The following DLGAP1 variants were observed in gnomAD, a reference collection of about 807,000 sequenced individuals.
DLGAP1 encodes the protein disks large-associated protein 1.
Under a neutral mutation model 90.8 loss-of-function variants are expected in DLGAP1, and 11 were observed. The ratio of observed to expected loss-of-function variants is 0.12; its 90% CI spans 0.08 to 0.20. The LOEUF (loss-of-function observed/expected upper bound fraction) is 0.20. DLGAP1 is among the 10% of genes least tolerant of loss of function. The probability of loss-of-function intolerance (pLI) is 1.00; values close to 1 mark genes in which losing one functional copy is unlikely to be tolerated. For synonymous variants in DLGAP1, 558 were observed against 540.7 expected, an observed-to-expected ratio of 1.03 and a Z score of -0.44; for missense variants, 1,050 against 1,333.8, an observed-to-expected ratio of 0.79 and a Z score of 3.31.
chr18:3,870,297 C>T (rs1465748442), intron 4 of DLGAP1, among the ~76,000 whole-genome samples: 2 of 152,164 alleles, frequency 1.3e-5, no homozygotes, highest in Non-Finnish European at 2.9e-5. Flanking sequence ...AGTGGCCATA[C>T]ATATATATGA....
rs200081954 is a variant in DLGAP1, at chr18:3,672,922, G to A, written c.1591+56213C>T. The stretch of plus-strand genomic sequence containing the variant: ...ATCCCCAGTGCCATGCCTGGGGCAA[G>A]TCCTTATCTCCTCTTGCCTGTTGTA... On this transcript the variant is annotated intron_variant, in intron 7 of 12. Coordinates refer to ENST00000315677, the MANE Select transcript of DLGAP1 (RefSeq NM_004746.4). Among the ~76,000 whole-genome samples the A allele has an allele frequency of 2.0e-5, 3 of 152,166 alleles. No homozygotes were observed. In the East Asian group the frequency reaches 5.8e-4, roughly 29 times the overall value.
At chr18:4,229,901 T>C in intron 1 of DLGAP1, among the ~76,000 whole-genome samples, 1 of 152,000 alleles carries the variant, frequency 6.6e-6, no homozygotes, top group Non-Finnish European at 1.5e-5. Flanking sequence ...GAGAAGAGAT[T>C]AATGACCAGA....
intron 3 of DLGAP1, among the ~76,000 whole-genome samples, chr18:3,961,923 A>G (rs1167741891): frequency 6.6e-6 from 1 of 152,164 alleles, no homozygotes; most frequent in Non-Finnish European, 1.5e-5. Flanking sequence ...TTCAGGGAGG[A>G]CTGGATGCAG....
intron 1 of DLGAP1, among the ~76,000 whole-genome samples, chr18:4,270,028 T>G (rs1338796191): frequency 6.6e-6 from 1 of 152,240 alleles, no homozygotes; most frequent in Non-Finnish European, 1.5e-5. Flanking sequence ...CTTCACATGT[T>G]ACAGTAGCAT....
At chr18:3,782,642 G>A (rs956822833) in intron 5 of DLGAP1, among the ~76,000 whole-genome samples, 5 of 152,212 alleles carry the variant, frequency 3.3e-5, no homozygotes, top group African/African-American at 9.7e-5. Flanking sequence ...TGTTTTCACT[G>A]TACTGATGAG....
At chr18:3,683,262 A>AT (rs1222794796) in intron 7 of DLGAP1, among the ~76,000 whole-genome samples, 3 of 152,240 alleles carry the variant, frequency 2.0e-5, no homozygotes, top group Admixed American at 6.5e-5. Context: ...AAATCAGGTG[A>AT]GAAAAGGTCA....
At chr18:3,514,899 A>AT (rs532686201) in intron 10 of DLGAP1, among the ~76,000 whole-genome samples, 3 of 150,942 alleles carry the variant, frequency 2.0e-5, no homozygotes, top group African/African-American at 7.3e-5. Context: ...TTTAAAATAA[A>AT]TTTTTTTTTC....
At chr18:3,664,108 G>C (rs1166826286) in intron 7 of DLGAP1, among the ~76,000 whole-genome samples, 2 of 151,236 alleles carry the variant, frequency 1.3e-5, no homozygotes, top group Non-Finnish European at 2.9e-5. Flanking sequence ...TATACCATTG[G>C]CTCTCCTGGG....
chr18:4,387,854 C>T (rs929935528), intron 1 of DLGAP1, among the ~76,000 whole-genome samples: 3 of 151,116 alleles, frequency 2.0e-5, no homozygotes, highest in Non-Finnish European at 4.4e-5. Flanking sequence ...TCACTTGAAC[C>T]CGGGAGGTGG....
chr18:3,771,868 G>T (rs2064569881), intron 5 of DLGAP1, among the ~76,000 whole-genome samples: 1 of 151,224 alleles, frequency 6.6e-6, no homozygotes. Flanking sequence ...TGTGGCCACT[G>T]CCAGCTTCTA....
At chr18:4,352,873 G>A (rs761466980) in intron 1 of DLGAP1, among the ~76,000 whole-genome samples, 6 of 152,132 alleles carry the variant, frequency 3.9e-5, no homozygotes, top group Non-Finnish European at 5.9e-5. Context: ...TGTGGGAGGA[G>A]GAACTGCTTG....
At chr18:4,199,571 A>G (rs933050103) in intron 1 of DLGAP1, among the ~76,000 whole-genome samples, 6 of 152,096 alleles carry the variant, frequency 3.9e-5, no homozygotes, top group African/African-American at 1.4e-4. Context: ...AACTGGGGAA[A>G]CTGTTCTCCC....
chr18:3,750,968 A>G (rs925732105), intron 5 of DLGAP1, among the ~76,000 whole-genome samples: 2 of 152,152 alleles, frequency 1.3e-5, no homozygotes, highest in Non-Finnish European at 2.9e-5. Flanking sequence ...CTGTACCCCT[A>G]TAGTGGCTTT....
rs887723124 is a variant in DLGAP1 at position 3,646,798 on chromosome 18, G to A, written c.1592-64550C>T. On this transcript the variant is annotated intron_variant, in intron 7 of 12. Coordinates refer to ENST00000315677, the MANE Select transcript of DLGAP1 (RefSeq NM_004746.4). Reference sequence around the variant, plus strand: ...AAATTAGCCGGGCGTGGTGGTGGGCGCCTGTAGTCCCAGCTACTCGGGAGG... The same window carrying A: ...AAATTAGCCGGGCGTGGTGGTGGGCACCTGTAGTCCCAGCTACTCGGGAGG... 7.9e-5 allele frequency among the ~76,000 whole-genome samples: 12 copies of A among 151,810 alleles called. No individual in the cohort carries two copies. The South Asian group carries it at 8.3e-4, about 11-fold the overall frequency.
At chr18:3,548,994 G>A (rs1375900438) in intron 9 of DLGAP1, among the ~76,000 whole-genome samples, 9 of 152,126 alleles carry the variant, frequency 5.9e-5, no homozygotes, top group East Asian at 1.9e-4. Context: ...CCAAGATTGC[G>A]CCACTGCACA....
chr18:4,095,626 G>C (rs897579219), intron 2 of DLGAP1, among the ~76,000 whole-genome samples: 1 of 151,870 alleles, frequency 6.6e-6, no homozygotes, highest in African/African-American at 2.4e-5. Context: ...CCAAGTCAGG[G>C]CCAGAAAGAC....
Position 3,621,637 on chromosome 18 carries a change from C to G in DLGAP1, c.1592-39389G>C, listed in dbSNP as rs974479912. Among the ~76,000 whole-genome samples the G allele has an allele frequency of 4.6e-5, 7 of 152,188 alleles. No homozygotes were observed. In the East Asian group the frequency reaches 5.8e-4, roughly 13 times the overall value. ...CCTCACTTCTGTTTTCTATATGTTA[C>G]TTTCCTTTTTCTGTCTATAAATCTT... On this transcript the variant is annotated intron_variant, in intron 7 of 12. Coordinates refer to ENST00000315677, the MANE Select transcript of DLGAP1 (RefSeq NM_004746.4).
At chr18:3,680,723 A>G (rs1309911691) in intron 7 of DLGAP1, among the ~76,000 whole-genome samples, 1 of 145,248 alleles carries the variant, frequency 6.9e-6, no homozygotes, top group Non-Finnish European at 1.5e-5. Context: ...CGGGAGGCGG[A>G]GCTTGCAGTA....
chr18:3,509,165 C>T (rs1025452134), intron 10 of DLGAP1, among the ~76,000 whole-genome samples: 3 of 152,012 alleles, frequency 2.0e-5, no homozygotes, highest in African/African-American at 7.2e-5. Context: ...ATATCCCATC[C>T]ACATCCTTTC....
Sources: allele counts gnomAD v4.1 joint callset (sites outside exome capture counted in the v4.1 genomes callset), GRCh38; gene constraint gnomAD v4.1.1; transcripts MANE v1.5; gene names NCBI Gene and HGNC (gene_info 2026-07-23, HGNC 2026-07-21).